The following KCNK1 variants were observed in gnomAD, a reference collection of about 807,000 sequenced individuals.
The protein encoded by KCNK1 is potassium channel subfamily K member 1.
A neutral mutation model predicts 22.2 loss-of-function variants in KCNK1; 10 were observed. The observed-to-expected ratio is 0.45, with a 90% CI of 0.28 to 0.76. The LOEUF is 0.76. Ranked by LOEUF, KCNK1 falls within the 30% of genes least tolerant of loss-of-function variation. The pLI is 0.14. For synonymous variants in KCNK1, 200 were observed against 186.4 expected, an observed-to-expected ratio of 1.07 and a Z score of -0.60; for missense variants, 378 against 421.0, an observed-to-expected ratio of 0.90 and a Z score of 0.89.
At chr1:233,630,859 A>C in intron 1 of KCNK1, 1 of 166,570 alleles carries the variant, frequency 6.0e-6, no homozygotes, top group Non-Finnish European at 1.3e-5. Flanking sequence ...CAATCTCTTG[A>C]TAACCTGTCA....
chr1:233,614,366 G>A lies in KCNK1; in HGVS notation c.195G>A (p.Glu65=), dbSNP rs1170881403. The A allele has an allele frequency of 1.2e-6, 2 of 1,611,092 alleles. No individual in the cohort carries two copies. Among genetic ancestry groups the A allele is most frequent in the Non-Finnish European group, 1.7e-6 (2 of 1,178,718 alleles). Residue 65 remains glutamate (E), a synonymous_variant, in exon 1 of 3, where the codon GAG becomes GAA. Transcript: ENST00000366621. Reference sequence around the variant, plus strand: ...GCAAGCTGAAGCGACGCTTCTTGGAGGAGCACGAGTGCCTGTCTGAGCAGC... The same window carrying A: ...GCAAGCTGAAGCGACGCTTCTTGGAAGAGCACGAGTGCCTGTCTGAGCAGC... ...ELRKLKRRFL[E]EHECLSEQQL...
intron 1 of KCNK1, among the ~76,000 whole-genome samples, chr1:233,658,515 G>C (rs553515888): frequency 6.6e-6 from 1 of 152,264 alleles, no homozygotes; most frequent in Admixed American, 6.5e-5. Flanking sequence ...TTATATAAGA[G>C]ACTGTATGCT....
At chr1:233,647,264 C>T (rs1267475333) in intron 1 of KCNK1, among the ~76,000 whole-genome samples, 1 of 152,148 alleles carries the variant, frequency 6.6e-6, no homozygotes, top group African/African-American at 2.4e-5. Flanking sequence ...GCGTTGCTAG[C>T]CATTCATCTT....
chr1:233,643,378 C>T (rs181400656), intron 1 of KCNK1, among the ~76,000 whole-genome samples: 1 of 152,288 alleles, frequency 6.6e-6, no homozygotes, highest in East Asian at 1.9e-4. Context: ...CCACTCACTA[C>T]ACTCTAACTG....
intron 1 of KCNK1, among the ~76,000 whole-genome samples, chr1:233,647,045 C>T (rs1658112387): frequency 1.3e-5 from 2 of 152,132 alleles, no homozygotes; most frequent in Non-Finnish European, 2.9e-5. Context: ...TCTGGCATTT[C>T]TGAGAGTTAG....
At chr1:233,671,144 A>C (rs1658588993) in intron 2 of KCNK1, 127 bp from the exon 3 acceptor site, 3 of 837,730 alleles carry the variant, frequency 3.6e-6, no homozygotes, top group Non-Finnish European at 5.7e-6. Flanking sequence ...TCTAAAAATT[A>C]AGAAACTGGC....
At chr1:233,664,687 C>T (rs570038355) in intron 1 of KCNK1, among the ~76,000 whole-genome samples, 8 of 152,258 alleles carry the variant, frequency 5.3e-5, no homozygotes, top group South Asian at 4.2e-4. Flanking sequence ...CTGCCTCTGC[C>T]GTGGTGAGGC....
intron 1 of KCNK1, among the ~76,000 whole-genome samples, chr1:233,625,089 G>A (rs551724763): frequency 5.3e-5 from 8 of 152,352 alleles, no homozygotes; most frequent in Non-Finnish European, 1.0e-4. Flanking sequence ...GGAGCCTTCA[G>A]AATGAAGACC....
At chr1:233,654,937 A>G (rs1227031047) in intron 1 of KCNK1, among the ~76,000 whole-genome samples, 1 of 152,066 alleles carries the variant, frequency 6.6e-6, no homozygotes, top group Non-Finnish European at 1.5e-5. Flanking sequence ...CAAGCATGGG[A>G]CCTCCACAGA....
At chr1:233,631,266 T>A (rs762217107) in intron 1 of KCNK1, 7 of 531,144 alleles carry the variant, frequency 1.3e-5, no homozygotes, top group African/African-American at 5.8e-5. Context: ...TGCGGGTTTC[T>A]GACAACATCA....
In KCNK1 at chr1:233,627,964, T is replaced by C. The variant is rs556739511; in HGVS notation, c.355+13438T>C. 4.5e-4 allele frequency among the ~76,000 whole-genome samples: 69 copies of C among 152,362 alleles called. No individual in the cohort carries two copies. The South Asian group carries it at 0.014, about 32-fold the overall frequency. Reference sequence around the variant, plus strand: ...TGTTTGGCACCTGAACTTGCCTGTCTAGATTCTCTGTTTCGCTTCACTCAG... The same window carrying C: ...TGTTTGGCACCTGAACTTGCCTGTCCAGATTCTCTGTTTCGCTTCACTCAG... On this transcript the variant is annotated intron_variant, in intron 1 of 2. Transcript: ENST00000366621.
chr1:233,616,029 A>G (rs1657483586), intron 1 of KCNK1, among the ~76,000 whole-genome samples: 1 of 152,158 alleles, frequency 6.6e-6, no homozygotes, highest in African/African-American at 2.4e-5. Context: ...AATACAATTT[A>G]ATTTTTCTTT....
chr1:233,651,822 A>C (rs571989027), intron 1 of KCNK1, among the ~76,000 whole-genome samples: 2 of 152,354 alleles, frequency 1.3e-5, no homozygotes, highest in South Asian at 4.1e-4. Context: ...TGAGAACGCC[A>C]GGACACGTTG....
chr1:233,616,820 T>C (rs1370311134), intron 1 of KCNK1, among the ~76,000 whole-genome samples: 2 of 152,238 alleles, frequency 1.3e-5, no homozygotes, highest in African/African-American at 4.8e-5. Context: ...CCATGAATCT[T>C]ATAATGGGTG....
At position 233,661,311 on chromosome 1, in the gene KCNK1, A is replaced by G. The variant is rs548236179; in HGVS notation, c.356-5284A>G. Among the ~76,000 whole-genome samples, 6 of 152,288 alleles carry G rather than the reference A, an allele frequency of 3.9e-5. 1 individual carries two copies. In the South Asian group the frequency reaches 1.2e-3, roughly 32 times the overall value. ...TGTTTGCTGGCTCCCCTAGCTTTTA[A>G]GTGTGGTGTATTAATTTAGTCCCTC... On this transcript the variant is annotated intron_variant, in intron 1 of 2. Transcript: ENST00000366621.
At chr1:233,627,657 C>T (rs899327408) in intron 1 of KCNK1, among the ~76,000 whole-genome samples, 2 of 152,188 alleles carry the variant, frequency 1.3e-5, no homozygotes, top group Non-Finnish European at 2.9e-5. Flanking sequence ...TTTCGCACCC[C>T]CAGACAGCAG....
chr1:233,670,496 G>A (rs1434963599), intron 2 of KCNK1, among the ~76,000 whole-genome samples: 4 of 152,210 alleles, frequency 2.6e-5, no homozygotes, highest in Admixed American at 2.6e-4. Flanking sequence ...ACAGTTCCAT[G>A]TGGCTAGGGA....
Position 233,614,242 on chromosome 1 carries a change from G to C in KCNK1, c.71G>C (p.Gly24Ala). ...VERHRSAWCFGFLVLGYLLYL... is the reference protein window; with the variant it reads ...VERHRSAWCFAFLVLGYLLYL... Reference sequence around the variant, plus strand: ...CGGCACCGCTCGGCCTGGTGCTTCGGCTTCCTGGTGCTGGGCTACTTGCTC... The same window carrying C: ...CGGCACCGCTCGGCCTGGTGCTTCGCCTTCCTGGTGCTGGGCTACTTGCTC... The change falls in exon 1 of 3, where the codon GGC becomes GCC. Residue 24 changes from glycine to alanine, a missense_variant. Gly to Ala is a moderately conservative substitution (Grantham distance 60, BLOSUM62 0). Transcript: ENST00000366621. The C allele has an allele frequency of 6.2e-7, 1 of 1,612,582 alleles. No individual in the cohort carries two copies. The highest frequency in any genetic ancestry group is 8.5e-7 in the Non-Finnish European group (1 of 1,179,922).
At chr1:233,617,749 G>A (rs1185935170) in intron 1 of KCNK1, among the ~76,000 whole-genome samples, 1 of 152,160 alleles carries the variant, frequency 6.6e-6, no homozygotes, top group Non-Finnish European at 1.5e-5. Flanking sequence ...CTCTAGCCTA[G>A]GCAACAGAGT....
Sources: gnomAD v4.1 joint callset for allele counts (sites outside exome capture counted in the v4.1 genomes callset) on GRCh38, gnomAD v4.1.1 for gene constraint, MANE v1.5 for transcripts, NCBI Gene and HGNC (gene_info 2026-07-23, HGNC 2026-07-21) for gene names.